Variants in SGCD observed in about 807,000 individuals in gnomAD.
SGCD encodes the protein delta-sarcoglycan.
Under a neutral mutation model 36.6 loss-of-function variants are expected in SGCD, and 18 were observed. The ratio of observed to expected loss-of-function variants is 0.49; its 90% CI spans 0.34 to 0.73. SGCD has a LOEUF of 0.73. Ranked by LOEUF, SGCD falls within the 30% of genes least tolerant of loss-of-function variation. SGCD has a pLI of 0.01. For synonymous variants in SGCD, 133 were observed against 130.6 expected (o/e 1.02, Z -0.12); for missense variants, 387 against 346.7 (o/e 1.12, Z -0.92).
chr5:156,295,187 C>T (rs1766863166), intron 3 of SGCD, among the ~76,000 whole-genome samples: 1 of 152,098 alleles, frequency 6.6e-6, no homozygotes, highest in Admixed American at 6.6e-5. Flanking sequence ...CTATTTCTGC[C>T]TGGCTTAATC....
chr5:156,082,491 AT>A (rs758742440), intron 1 of SGCD, among the ~76,000 whole-genome samples: 28 of 152,186 alleles, frequency 1.8e-4, no homozygotes, highest in Non-Finnish European at 3.2e-4. Context: ...AGTATTTAAT[AT>A]TTTGTGATTG....
chr5:155,964,989 C>A (rs189435329), intron 1 of SGCD, among the ~76,000 whole-genome samples: 12 of 152,176 alleles, frequency 7.9e-5, no homozygotes, highest in Admixed American at 3.3e-4. Context: ...CCCTTTCTGG[C>A]CAGACAAGTA....
chr5:156,082,557 T>C (rs1480862948), intron 1 of SGCD, among the ~76,000 whole-genome samples: 1 of 152,216 alleles, frequency 6.6e-6, no homozygotes, highest in Non-Finnish European at 1.5e-5. Context: ...CATATATCAG[T>C]AGCCTGTTCC....
intron 7 of SGCD, among the ~76,000 whole-genome samples, chr5:156,711,396 A>G (rs927482573): frequency 6.6e-6 from 1 of 152,124 alleles, no homozygotes; most frequent in African/African-American, 2.4e-5. Context: ...GTATCTCTCA[A>G]TATATTCCTT....
intron 3 of SGCD, among the ~76,000 whole-genome samples, chr5:156,477,707 GAT>G (rs1449826383): frequency 2.8e-5 from 4 of 141,624 alleles, no homozygotes; most frequent in African/African-American, 1.0e-4. Context: ...AAAAAAAAGT[GAT>G]GTCAAGGTCA....
the SGCD span, among the ~76,000 whole-genome samples, chr5:155,818,716 T>C: frequency 6.6e-6 from 1 of 152,012 alleles, no homozygotes; most frequent in Non-Finnish European, 1.5e-5. Flanking sequence ...AGATGGGGTC[T>C]CCCCATGCTG....
chr5:155,839,603 A>G, the SGCD span, among the ~76,000 whole-genome samples: 1 of 152,200 alleles, frequency 6.6e-6, no homozygotes, highest in Non-Finnish European at 1.5e-5. Flanking sequence ...TAGTAAATAA[A>G]TATTTAACAT....
intron 7 of SGCD, among the ~76,000 whole-genome samples, chr5:156,745,229 C>T (rs1201143376): frequency 6.6e-6 from 1 of 152,124 alleles, no homozygotes; most frequent in Admixed American, 6.6e-5. Flanking sequence ...CCTGGCCCTT[C>T]CACTCAGAGG....
chr5:156,134,925 G>A (rs1053602579), intron 3 of SGCD, among the ~76,000 whole-genome samples: 1 of 152,068 alleles, frequency 6.6e-6, no homozygotes, highest in African/African-American at 2.4e-5. Context: ...ATTCCCTTTT[G>A]ACTCCATTGC....
At chr5:156,439,943 A>C (rs2127795002) in intron 3 of SGCD, among the ~76,000 whole-genome samples, 1 of 152,258 alleles carries the variant, frequency 6.6e-6, no homozygotes, top group East Asian at 1.9e-4. Flanking sequence ...TTGGAAACCC[A>C]TCCTACAGAA....
At chr5:156,509,063 A>G (rs1756826968) in intron 4 of SGCD, among the ~76,000 whole-genome samples, 1 of 152,236 alleles carries the variant, frequency 6.6e-6, no homozygotes, top group East Asian at 1.9e-4. Flanking sequence ...TTAGAAACAC[A>G]GAACTGAAGA....
chr5:155,887,460 G>A (rs1447508488), intron 1 of SGCD, among the ~76,000 whole-genome samples: 1 of 152,076 alleles, frequency 6.6e-6, no homozygotes, highest in Non-Finnish European at 1.5e-5. Flanking sequence ...CTTCCCTTTA[G>A]CGCATCCTGG....
intron 7 of SGCD, among the ~76,000 whole-genome samples, chr5:156,740,022 A>C (rs1342240684): frequency 6.6e-6 from 1 of 152,244 alleles, no homozygotes; most frequent in Non-Finnish European, 1.5e-5. Flanking sequence ...GTTCCTTTGA[A>C]TCAGACTCTG....
At chr5:156,116,338 A>C (rs975218359) in intron 1 of SGCD, among the ~76,000 whole-genome samples, 1 of 151,736 alleles carries the variant, frequency 6.6e-6, no homozygotes, top group African/African-American at 2.4e-5. Context: ...CTTAATTTGC[A>C]TTTCTCTTAT....
chr5:155,866,786 G>A (rs965547082), upstream of SGCD, among the ~76,000 whole-genome samples: 1 of 152,086 alleles, frequency 6.6e-6, no homozygotes, highest in African/African-American at 2.4e-5. Flanking sequence ...CTCTAACTCA[G>A]GCCTGTCTGA....
intron 1 of SGCD, among the ~76,000 whole-genome samples, chr5:156,015,661 G>A (rs563514225): frequency 2.0e-5 from 3 of 151,094 alleles, no homozygotes; most frequent in Non-Finnish European, 4.4e-5. Flanking sequence ...TTATTTATAT[G>A]CTTTTATATA....
intron 3 of SGCD, chr5:156,458,630 A>T: frequency 1.6e-6 from 1 of 643,362 alleles, no homozygotes; most frequent in South Asian, 2.0e-5. Flanking sequence ...AAAAAAATAC[A>T]ATATTCATGC....
At chr5:156,114,570 T>C (rs1275286493) in intron 1 of SGCD, among the ~76,000 whole-genome samples, 1 of 152,084 alleles carries the variant, frequency 6.6e-6, no homozygotes. Context: ...AGTTATTTAT[T>C]GGGTCAGAAA....
intron 1 of SGCD, among the ~76,000 whole-genome samples, chr5:156,116,627 G>T (rs1257360836): frequency 6.6e-6 from 1 of 152,096 alleles, no homozygotes; most frequent in East Asian, 1.9e-4. Context: ...AGGAAAAAGT[G>T]TAACACAGTG....
Sources: gnomAD v4.1 joint callset for allele counts (sites outside exome capture counted in the v4.1 genomes callset) on GRCh38, gnomAD v4.1.1 for gene constraint, MANE v1.5 for transcripts, NCBI Gene and HGNC (gene_info 2026-07-23, HGNC 2026-07-21) for gene names.